Variants in PLD5 observed in about 807,000 individuals in gnomAD.
PLD5 encodes phospholipase D family member 5.
Under a neutral mutation model 61.1 loss-of-function variants are expected in PLD5, and 36 were observed. The ratio of observed to expected loss-of-function variants is 0.59; its 90% CI spans 0.45 to 0.78. The LOEUF (loss-of-function observed/expected upper bound fraction) is 0.78, where lower values mean the gene tolerates loss of function less well. Ranked by LOEUF, PLD5 falls within the 30% of genes least tolerant of loss-of-function variation. The probability of loss-of-function intolerance (pLI) is 0.00; values close to 1 mark genes in which losing one functional copy is unlikely to be tolerated. For missense variants in PLD5, 515 were observed against 644.4 expected (o/e 0.80, Z 2.17); for synonymous variants, 243 against 242.8 (o/e 1.00, Z -0.01).
intron 3 of PLD5, among the ~76,000 whole-genome samples, chr1:242,281,729 G>A (rs912589829): frequency 2.6e-5 from 4 of 152,038 alleles, no homozygotes; most frequent in Admixed American, 6.6e-5. Context: ...GGATGGTGAG[G>A]GGGTGAACAG....
chr1:242,286,281 A>C (rs1407453615), intron 3 of PLD5, among the ~76,000 whole-genome samples: 1 of 152,080 alleles, frequency 6.6e-6, no homozygotes, highest in Non-Finnish European at 1.5e-5. Flanking sequence ...CTGGATTTTG[A>C]GCTGAAGGAG....
intron 5 of PLD5, among the ~76,000 whole-genome samples, chr1:242,154,255 G>C (rs1011186544): frequency 6.6e-6 from 1 of 152,172 alleles, no homozygotes; most frequent in Non-Finnish European, 1.5e-5. Context: ...CTGAGAAGAT[G>C]GGGTTTTCCA....
intron 1 of PLD5, among the ~76,000 whole-genome samples, chr1:242,496,801 C>T (rs1668385198): frequency 6.6e-6 from 1 of 152,188 alleles, no homozygotes; most frequent in Admixed American, 6.5e-5. Context: ...TTAGCTCATC[C>T]CTTGGCTTTC....
rs186703168 is a variant in PLD5 at position 242,311,737 on chromosome 1, T to C, written c.327-23207A>G. Among the ~76,000 whole-genome samples, 348 of 152,288 alleles carry C rather than the reference T, an allele frequency of 2.3e-3. 1 individual carries two copies. Among genetic ancestry groups the C allele is most frequent in the East Asian group, 0.012 (61 of 5,182 alleles). On this transcript the variant is annotated intron_variant, in intron 2 of 9. Coordinates refer to ENST00000536534, the MANE Select transcript of PLD5 (RefSeq NM_001372062.1). ...CAGATTTCTTTGAGCTTCTTGCATT[T>C]GTACATTTATGTCTTTCCTCAAATT...
At chr1:242,382,140 C>CAA (rs771218262) in intron 1 of PLD5, among the ~76,000 whole-genome samples, 48 of 99,234 alleles carry the variant, frequency 4.8e-4, no homozygotes, top group Admixed American at 1.8e-3. Flanking sequence ...AAAAAAAAAA[C>CAA]AAAACAAAAA....
chr1:242,284,721 A>G (rs1674922730), intron 3 of PLD5, among the ~76,000 whole-genome samples: 1 of 152,148 alleles, frequency 6.6e-6, no homozygotes, highest in African/African-American at 2.4e-5. Flanking sequence ...GAGGAGAGAA[A>G]TTCCACTACC....
intron 5 of PLD5, among the ~76,000 whole-genome samples, chr1:242,177,456 C>G (rs557462153): frequency 6.6e-6 from 1 of 152,142 alleles, no homozygotes; most frequent in South Asian, 2.1e-4. Context: ...AGGAGAAATA[C>G]CTAATGTAGG....
chr1:242,405,930 AT>A (rs1664212943), intron 1 of PLD5, among the ~76,000 whole-genome samples: 1 of 151,346 alleles, frequency 6.6e-6, no homozygotes. Flanking sequence ...CTAAAAAAAA[AT>A]CTAGCAATTT....
At chr1:242,492,133 C>G (rs1335772178) in intron 1 of PLD5, among the ~76,000 whole-genome samples, 1 of 152,124 alleles carries the variant, frequency 6.6e-6, no homozygotes, top group Non-Finnish European at 1.5e-5. Context: ...TCAATGAACA[C>G]AGCCAAGAGT....
In PLD5 at chr1:242,507,646, G is replaced by T. The variant is rs144049738; in HGVS notation, c.189+16442C>A. On this transcript the variant is annotated intron_variant, in intron 1 of 9. Transcript: ENST00000536534. ...TAATCTTGAAATTACAGCTGGCAAAGATTGTATTAAGTTTATTTCTTCTTC... is the reference window on the plus strand; with the variant it reads ...TAATCTTGAAATTACAGCTGGCAAATATTGTATTAAGTTTATTTCTTCTTC... Among the ~76,000 whole-genome samples, 9 of 152,354 alleles carry T rather than the reference G, an allele frequency of 5.9e-5. No homozygotes were observed. In the East Asian group the frequency reaches 1.7e-3, roughly 29 times the overall value.
At chr1:242,526,294 G>C (rs1669444386), upstream of PLD5, among the ~76,000 whole-genome samples, 2 of 152,182 alleles carry the variant, frequency 1.3e-5, no homozygotes, top group African/African-American at 4.8e-5. Context: ...GCTGAGGCGG[G>C]AGGATCGCTG....
chr1:242,143,177 GC>G (rs1217456572), intron 5 of PLD5, among the ~76,000 whole-genome samples: 1 of 151,904 alleles, frequency 6.6e-6, no homozygotes, highest in African/African-American at 2.4e-5. Flanking sequence ...ACAGGCACCT[GC>G]CACGACGCCA....
chr1:242,098,402 A>C (rs950736901), intron 9 of PLD5, among the ~76,000 whole-genome samples: 42 of 152,166 alleles, frequency 2.8e-4, no homozygotes, highest in African/African-American at 9.7e-4. Flanking sequence ...CGTGGTTTTC[A>C]GCTCCATCAG....
At chr1:242,263,917 T>G (rs71498872) in intron 4 of PLD5, among the ~76,000 whole-genome samples, 2 of 152,248 alleles carry the variant, frequency 1.3e-5, no homozygotes, top group Admixed American at 6.5e-5. Flanking sequence ...AACTTTTGGT[T>G]GAGTTTACAA....
At chr1:242,284,150 T>TCA (rs1558429171) in intron 3 of PLD5, among the ~76,000 whole-genome samples, 1 of 111,996 alleles carries the variant, frequency 8.9e-6, no homozygotes, top group Non-Finnish European at 1.7e-5. Flanking sequence ...TTTTTTTTTT[T>TCA]ATAGATACAC....
intron 4 of PLD5, among the ~76,000 whole-genome samples, chr1:242,221,232 T>C (rs1261015618): frequency 1.3e-5 from 2 of 152,346 alleles, no homozygotes; most frequent in East Asian, 1.9e-4. Flanking sequence ...AAAAGGAGCA[T>C]ACAGTCCATT....
intron 1 of PLD5, among the ~76,000 whole-genome samples, chr1:242,361,003 A>G (rs1461213006): frequency 6.6e-6 from 1 of 152,112 alleles, no homozygotes; most frequent in Non-Finnish European, 1.5e-5. Flanking sequence ...CCAGGTACAT[A>G]GTGGGCATTC....
chr1:242,103,892 T>C (rs1660859787), intron 8 of PLD5, among the ~76,000 whole-genome samples: 1 of 152,258 alleles, frequency 6.6e-6, no homozygotes, highest in Non-Finnish European at 1.5e-5. Context: ...TACCAGACTA[T>C]TCGGGAGATT....
Position 242,230,744 on chromosome 1 carries a change from C to T in PLD5, c.608-10629G>A, listed in dbSNP as rs1049251182. 5.9e-5 allele frequency among the ~76,000 whole-genome samples: 9 copies of T among 152,228 alleles called. No individual in the cohort carries two copies. In the East Asian group the frequency reaches 1.7e-3, roughly 29 times the overall value. On this transcript the variant is annotated intron_variant, in intron 4 of 9. Transcript: ENST00000536534. ...AAATAAAAAGAATCTTAGCACAATG[C>T]ATTTTTAATTTTAACATATCTATTC...
Sources: gnomAD v4.1 joint callset for allele counts (sites outside exome capture counted in the v4.1 genomes callset) on GRCh38, gnomAD v4.1.1 for gene constraint, MANE v1.5 for transcripts, NCBI Gene and HGNC (gene_info 2026-07-23, HGNC 2026-07-21) for gene names.